The following DNAH11 variants were observed in gnomAD, a reference collection of about 807,000 sequenced individuals.
DNAH11 encodes dynein axonemal heavy chain 11.
A neutral mutation model predicts 526.0 loss-of-function variants in DNAH11; 442 were observed. That is an observed-to-expected ratio of 0.84 (90% CI 0.78 to 0.91). The LOEUF is 0.91. Ranked by LOEUF, DNAH11 falls within the 40% of genes least tolerant of loss-of-function variation. The pLI is 0.00. For synonymous variants in DNAH11, 2,461 were observed against 1,935.9 expected (o/e 1.27, Z -7.12); for missense variants, 6,989 against 5,448.7 (o/e 1.28, Z -8.90).
intron 3 of DNAH11, 136 bp from the exon 4 acceptor site, chr7:21,559,467 G>T: frequency 2.7e-6 from 2 of 728,628 alleles, no homozygotes; most frequent in South Asian, 4.2e-5. Context: ...CTCAAATCAA[G>T]ACCATAAAAA....
chr7:21,843,677 C>T (rs890367345), intron 66 of DNAH11, among the ~76,000 whole-genome samples: 2 of 151,832 alleles, frequency 1.3e-5, no homozygotes, highest in African/African-American at 2.4e-5. Flanking sequence ...GATAGGGTTT[C>T]ACCATATTTG....
At chr7:21,881,402 G>A (rs936486999) in intron 75 of DNAH11, among the ~76,000 whole-genome samples, 1 of 152,148 alleles carries the variant, frequency 6.6e-6, no homozygotes, top group Non-Finnish European at 1.5e-5. Context: ...TCTCAGTAAT[G>A]TTCCCCTTGA....
chr7:21,563,578 T>G (rs1023910317), intron 5 of DNAH11, among the ~76,000 whole-genome samples: 1 of 152,214 alleles, frequency 6.6e-6, no homozygotes, highest in South Asian at 2.1e-4. Flanking sequence ...AAATTAACAA[T>G]TTTAAAGTAT....
intron 65 of DNAH11, among the ~76,000 whole-genome samples, chr7:21,829,817 T>G (rs1262819562): frequency 2.0e-5 from 3 of 152,252 alleles, no homozygotes; most frequent in African/African-American, 7.2e-5. Context: ...TATATTAAGA[T>G]AATGGTTCCT....
At chr7:21,658,248 T>A (rs1385596640) in intron 29 of DNAH11, among the ~76,000 whole-genome samples, 2 of 152,148 alleles carry the variant, frequency 1.3e-5, no homozygotes, top group African/African-American at 4.8e-5. Context: ...GTGTGAAGAT[T>A]AGAGCCAGTA....
At chr7:21,895,608 C>G (rs1251455611) in intron 79 of DNAH11, among the ~76,000 whole-genome samples, 1 of 152,184 alleles carries the variant, frequency 6.6e-6, no homozygotes, top group African/African-American at 2.4e-5. Context: ...TGATTCCTGG[C>G]TTTTTGGTGC....
intron 76 of DNAH11, among the ~76,000 whole-genome samples, chr7:21,889,084 C>G (rs1334603638): frequency 6.6e-6 from 1 of 151,650 alleles, no homozygotes; most frequent in Non-Finnish European, 1.5e-5. Context: ...TATACCCCAG[C>G]CCATGGCAGC....
rs376831401 is a variant in DNAH11, at chr7:21,570,209, T to C, written c.1335T>C (p.Phe445=). 2.5e-6 allele frequency: 4 copies of C among 1,613,496 alleles called. No homozygotes were observed. The highest frequency in any genetic ancestry group is 3.4e-6 in the Non-Finnish European group (4 of 1,179,718). The part of the protein sequence containing the change: ...FNYRKKLASY[F]MGRKLRPWDF... ...ATAGAAAAAAATTGGCAAGCTACTT[T>C]ATGGGAAGAAAGCTGAGACCATGGG... The change falls in exon 7 of 82, where the codon TTT becomes TTC. Residue 445 remains phenylalanine (F), a synonymous_variant. Coordinates refer to ENST00000409508, the MANE Select transcript of DNAH11 (RefSeq NM_001277115.2).
chr7:21,814,322 C>A (rs1789670956), intron 63 of DNAH11, among the ~76,000 whole-genome samples: 1 of 150,730 alleles, frequency 6.6e-6, no homozygotes, highest in South Asian at 2.1e-4. Context: ...ACTTAGCCTA[C>A]ACAAAATTTA....
At chr7:21,670,807 C>T (rs11773573) in intron 30 of DNAH11, among the ~76,000 whole-genome samples, 9,212 of 151,968 alleles carry the variant, frequency 0.061, 392 homozygotes, top group Non-Finnish European at 0.097. Context: ...TCGAAAGTTA[C>T]GCCAACTTTG....
At chr7:21,794,678 T>A (rs1788630898) in intron 61 of DNAH11, among the ~76,000 whole-genome samples, 1 of 151,732 alleles carries the variant, frequency 6.6e-6, no homozygotes. Flanking sequence ...TTGACTGAGA[T>A]GAAGAAGAGA....
intron 21 of DNAH11, among the ~76,000 whole-genome samples, chr7:21,615,721 G>C (rs1039938396): frequency 6.6e-6 from 1 of 152,018 alleles, no homozygotes; most frequent in African/African-American, 2.4e-5. Context: ...GTAAGTTCTA[G>C]GGAATGAGGC....
At chr7:21,625,466 T>C (rs1583540650) in intron 25 of DNAH11, among the ~76,000 whole-genome samples, 1 of 152,134 alleles carries the variant, frequency 6.6e-6, no homozygotes, top group East Asian at 1.9e-4. Flanking sequence ...CTTCATTCCA[T>C]TGGTCGTTTT....
chr7:21,898,793 T>C (rs1314092561), intron 79 of DNAH11, among the ~76,000 whole-genome samples: 1 of 152,192 alleles, frequency 6.6e-6, no homozygotes, highest in Non-Finnish European at 1.5e-5. Context: ...CTGGCTGACT[T>C]GTTTTCCTAA....
chr7:21,901,664 C>CAAATT lies in DNAH11; in HGVS notation c.*417_*421dup, dbSNP rs1407105525. On this transcript the variant is annotated 3_prime_UTR_variant, in exon 82 of 82. Transcript: ENST00000409508. ...GGAGATTTTAATTTTTAACAAACAA[C>CAAATT]AAATTAAATTATTAGCCCTTAAACT... 1.9e-5 allele frequency: 3 copies of CAAATT among 156,832 alleles called. No homozygotes were observed. Among genetic ancestry groups the CAAATT allele is most frequent in the African/African-American group, 4.8e-5 (2 of 41,402 alleles). 9.7% of individuals were successfully genotyped at this position (156,832 alleles called of 1,614,324 possible).
intron 14 of DNAH11, among the ~76,000 whole-genome samples, chr7:21,596,767 T>A (rs1784878476): frequency 6.6e-6 from 1 of 152,216 alleles, no homozygotes; most frequent in African/African-American, 2.4e-5. Context: ...ATTCTCCTAT[T>A]TTTGTCCTTA....
In DNAH11 at chr7:21,606,664, CAG is replaced by C. The variant is rs749926976; in HGVS notation, c.3791_3792del (p.Arg1264IlefsTer10). ...ATGATCAGGCAAAGCAGGCAGAGTT[CAG>C]AGAGAGATTCAGACACTATGCCCCT... ...ILFDAKQAEFRERFRHYAPLG... is the reference protein window; with the variant it reads ...ILFDAKQAEFXERFRHYAPLG... On this transcript the variant is annotated frameshift_variant, in exon 20 of 82. Coordinates refer to ENST00000409508, the MANE Select transcript of DNAH11 (RefSeq NM_001277115.2). LOFTEE classifies it high-confidence loss of function. 4.2e-6 allele frequency: 6 copies of C among 1,412,822 alleles called. No individual in the cohort carries two copies. The highest frequency in any genetic ancestry group is 1.2e-5 in the South Asian group (1 of 84,916). 87.5% of individuals were successfully genotyped at this position (1,412,822 alleles called of 1,614,324 possible). A position where few individuals can be genotyped will look rare whatever the true frequency, so the allele number is the denominator to read the frequency against.
rs56215907 is a variant in DNAH11 at position 21,680,205 on chromosome 7, C to T, written c.5329-1341C>T. 3.4e-3 allele frequency among the ~76,000 whole-genome samples: 516 copies of T among 152,234 alleles called. 2 individuals carry two copies. Among genetic ancestry groups the T allele is most frequent in the Admixed American group, 0.01 (160 of 15,296 alleles). Reference sequence around the variant, plus strand: ...CATTTTCCGGGGCATGATAATAGTACAGTAGTGGACCTGTATTTTGACAGT... The same window carrying T: ...CATTTTCCGGGGCATGATAATAGTATAGTAGTGGACCTGTATTTTGACAGT... On this transcript the variant is annotated intron_variant, in intron 30 of 81. Transcript: ENST00000409508.
intron 43 of DNAH11, among the ~76,000 whole-genome samples, chr7:21,718,712 C>T (rs752432013): frequency 7.2e-5 from 11 of 152,136 alleles, no homozygotes; most frequent in Non-Finnish European, 1.3e-4. Context: ...AAAAGGTTTA[C>T]AATTAGAAAC....
Sources: gnomAD v4.1 joint callset for allele counts (sites outside exome capture counted in the v4.1 genomes callset) on GRCh38, gnomAD v4.1.1 for gene constraint, MANE v1.5 for transcripts, NCBI Gene and HGNC (gene_info 2026-07-23, HGNC 2026-07-21) for gene names.